Variants in PRRC2B observed in about 807,000 individuals in gnomAD.
PRRC2B encodes protein PRRC2B.
In PRRC2B, 68 loss-of-function variants were observed where a neutral mutation model predicts 242.3. The ratio of observed to expected loss-of-function variants is 0.28; its 90% CI spans 0.23 to 0.34. The LOEUF is 0.34. Among genes scored for constraint, PRRC2B ranks in the 10% least tolerant of loss-of-function variants. The probability of loss-of-function intolerance (pLI) is 1.00; values close to 1 mark genes in which losing one functional copy is unlikely to be tolerated. For synonymous variants in PRRC2B, 1,228 were observed against 1,173.6 expected, an observed-to-expected ratio of 1.05 and a Z score of -0.95; for missense variants, 2,835 against 2,954.8, an observed-to-expected ratio of 0.96 and a Z score of 0.94.
At chr9:131,438,358 C>T (rs1838442837) in intron 4 of PRRC2B, among the ~76,000 whole-genome samples, 1 of 152,084 alleles carries the variant, frequency 6.6e-6, no homozygotes, top group Admixed American at 6.6e-5. Context: ...GGGGATGTGA[C>T]TAGAGCCTTC....
chr9:131,461,023 A>C (rs1177830544), intron 11 of PRRC2B, among the ~76,000 whole-genome samples: 1 of 152,172 alleles, frequency 6.6e-6, no homozygotes, highest in East Asian at 1.9e-4. Flanking sequence ...CCATATTGGA[A>C]ACTGTGTTCT....
rs1943796742 is a variant in PRRC2B, at chr9:131,479,463, G to GAGGA, written c.4900+71_4900+74dup. 2.0e-6 allele frequency: 3 copies of GAGGA among 1,481,936 alleles called. No individual in the cohort carries two copies. In the Admixed American group the frequency reaches 5.9e-5, roughly 29 times the overall value. The allele number at this position is 1,481,936 out of a possible 1,614,324, so 91.8% of individuals were successfully genotyped here. On this transcript the variant is annotated intron_variant, in intron 19 of 31. Transcript: ENST00000683519. Reference sequence around the variant, plus strand: ...ATCACACACTGGGTTTGCTTCTGGGGAGGATCCTGCTTTTGAGCTACGAAT... The same window carrying GAGGA: ...ATCACACACTGGGTTTGCTTCTGGGGAGGAAGGATCCTGCTTTTGAGCTACGAAT...
At chr9:131,434,397 C>G (rs1009687252) in intron 3 of PRRC2B, among the ~76,000 whole-genome samples, 2 of 152,270 alleles carry the variant, frequency 1.3e-5, no homozygotes, top group African/African-American at 4.8e-5. Flanking sequence ...TGGAGCACGT[C>G]CGCCAGGGAA....
At chr9:131,484,478 G>T (rs1943958166) in intron 23 of PRRC2B, among the ~76,000 whole-genome samples, 1 of 152,188 alleles carries the variant, frequency 6.6e-6, no homozygotes, top group African/African-American at 2.4e-5. Flanking sequence ...GTGGTCTTGG[G>T]TACATGTGGC....
intron 1 of PRRC2B, among the ~76,000 whole-genome samples, chr9:131,421,559 C>A (rs1003813857): frequency 6.6e-6 from 1 of 152,172 alleles, no homozygotes; most frequent in South Asian, 2.1e-4. Flanking sequence ...TCTTTCCGTT[C>A]GTTCTATAAA....
intron 5 of PRRC2B, among the ~76,000 whole-genome samples, chr9:131,442,158 G>A (rs138852464): frequency 1.2e-3 from 180 of 151,594 alleles, no homozygotes; most frequent in African/African-American, 4.2e-3. Flanking sequence ...TTTTAGGCAG[G>A]GTTTCATTCT....
chr9:131,410,714 T>A (rs1264511715), intron 1 of PRRC2B, among the ~76,000 whole-genome samples: 3 of 152,236 alleles, frequency 2.0e-5, no homozygotes, highest in Non-Finnish European at 4.4e-5. Flanking sequence ...CTAATTTTAT[T>A]CATTTTTTCT....
intron 23 of PRRC2B, among the ~76,000 whole-genome samples, chr9:131,483,988 G>A (rs1446731949): frequency 6.6e-6 from 1 of 152,196 alleles, no homozygotes; most frequent in Non-Finnish European, 1.5e-5. Context: ...GAATGAACGA[G>A]TATCATTTGG....
At chr9:131,390,886 A>G (rs1396208953), upstream of PRRC2B, among the ~76,000 whole-genome samples, 1 of 150,298 alleles carries the variant, frequency 6.7e-6, no homozygotes, top group Non-Finnish European at 1.5e-5. Context: ...TCCCAGGTTC[A>G]AGCAGTTCTC....
intron 3 of PRRC2B, among the ~76,000 whole-genome samples, chr9:131,436,254 A>G (rs1385436952): frequency 6.6e-6 from 1 of 152,158 alleles, no homozygotes; most frequent in South Asian, 2.1e-4. Context: ...AGTCCCACCT[A>G]CTCAGAAGGC....
chr9:131,392,094 A>C (rs1353538331), upstream of PRRC2B, among the ~76,000 whole-genome samples: 1 of 139,378 alleles, frequency 7.2e-6, no homozygotes, highest in African/African-American at 2.7e-5. Flanking sequence ...TTGCTTGTTT[A>C]TTTTCTTTCT....
At chr9:131,434,408 G>A (rs567681242) in intron 3 of PRRC2B, among the ~76,000 whole-genome samples, 5 of 152,382 alleles carry the variant, frequency 3.3e-5, no homozygotes, top group African/African-American at 1.2e-4. Context: ...CGCCAGGGAA[G>A]AGGTGAGGAT....
chr9:131,397,633 C>T (rs1340938022), intron 1 of PRRC2B, among the ~76,000 whole-genome samples: 1 of 129,512 alleles, frequency 7.7e-6, no homozygotes, highest in Non-Finnish European at 1.5e-5. Flanking sequence ...TGGCTGTATG[C>T]TAGTTATATG....
At chr9:131,396,349 A>T (rs1189328453) in intron 1 of PRRC2B, among the ~76,000 whole-genome samples, 1 of 107,956 alleles carries the variant, frequency 9.3e-6, no homozygotes, top group Non-Finnish European at 1.7e-5. Flanking sequence ...TTTTTTTGAG[A>T]CAGTCTCACT....
intron 15 of PRRC2B, 69 bp from the exon 16 acceptor site, chr9:131,474,385 C>A: frequency 7.6e-7 from 1 of 1,314,618 alleles, no homozygotes; most frequent in South Asian, 1.5e-5. Flanking sequence ...AAACTAAGCT[C>A]TGTGTTCAGC....
At chr9:131,410,600 C>T (rs1002440948) in intron 1 of PRRC2B, among the ~76,000 whole-genome samples, 4 of 152,190 alleles carry the variant, frequency 2.6e-5, no homozygotes, top group African/African-American at 7.2e-5. Flanking sequence ...TGATAGTGAC[C>T]TTGAACTAGT....
chr9:131,398,927 G>C (rs139868273), intron 1 of PRRC2B, among the ~76,000 whole-genome samples: 2 of 152,144 alleles, frequency 1.3e-5, no homozygotes, highest in South Asian at 4.1e-4. Context: ...GCAGTGAGCC[G>C]TGATCATGCC....
At chr9:131,385,273 G>A (rs1185830337) in intron 1 of PRRC2B, among the ~76,000 whole-genome samples, 1 of 149,700 alleles carries the variant, frequency 6.7e-6, no homozygotes, top group Non-Finnish European at 1.5e-5. Flanking sequence ...CCTGGTAGGC[G>A]GAAGTGGCAG....
chr9:131,487,582 C>A lies in PRRC2B; in HGVS notation c.5985-274C>A, dbSNP rs1161902320. The stretch of plus-strand genomic sequence containing the variant: ...TCCCCTTGACTCCCTGTCTCCTCCC[C>A]ACCGCGGGCTTCTCCGTCAGTGTGG... On this transcript the variant is annotated intron_variant, in intron 27 of 31. Coordinates refer to ENST00000683519, the MANE Select transcript of PRRC2B (RefSeq NM_013318.4). This position sits in a 1 kb window ranked among gnomAD's most constrained non-coding sequence, Gnocchi z 5.3. Among the ~76,000 whole-genome samples the A allele has an allele frequency of 2.0e-5, 3 of 152,208 alleles. No homozygotes were observed. The highest frequency in any genetic ancestry group is 4.4e-5 in the Non-Finnish European group (3 of 68,034).
Sources: allele counts gnomAD v4.1 joint callset (sites outside exome capture counted in the v4.1 genomes callset), GRCh38; gene constraint gnomAD v4.1.1; non-coding constraint Gnocchi (gnomAD v3.1); transcripts MANE v1.5; gene names NCBI Gene and HGNC (gene_info 2026-07-23, HGNC 2026-07-21).